RBFOX1: variants seen among roughly 807,000 people sequenced by gnomAD.
RBFOX1 encodes RNA binding fox-1 homolog 1.
In RBFOX1, 8 loss-of-function variants were observed where a neutral mutation model predicts 57.7. The ratio of observed to expected loss-of-function variants is 0.14; its 90% confidence interval spans 0.08 to 0.25. The LOEUF is 0.25. Ranked by LOEUF, RBFOX1 falls within the 10% of genes least tolerant of loss-of-function variation. RBFOX1 has a pLI of 1.00. For missense variants in RBFOX1, 611 were observed against 548.5 expected, an observed-to-expected ratio of 1.11 and a Z score of -1.14; for synonymous variants, 326 against 222.4, an observed-to-expected ratio of 1.47 and a Z score of -4.15.
At chr16:5,587,769 T>G (rs1342107034) in intron 2 of RBFOX1, among the ~76,000 whole-genome samples, 1 of 152,202 alleles carries the variant, frequency 6.6e-6, no homozygotes, top group Non-Finnish European at 1.5e-5. Flanking sequence ...TGAGCCCTCA[T>G]AAACAGCTGT....
At chr16:6,821,540 G>C (rs1169671402) in intron 3 of RBFOX1, among the ~76,000 whole-genome samples, 5 of 152,092 alleles carry the variant, frequency 3.3e-5, no homozygotes, top group African/African-American at 1.2e-4. Context: ...CTATTAATCA[G>C]ATGCTTTTCA....
At chr16:7,117,654 G>A (rs1459532483) in intron 4 of RBFOX1, among the ~76,000 whole-genome samples, 2 of 152,196 alleles carry the variant, frequency 1.3e-5, no homozygotes, top group East Asian at 1.9e-4. Flanking sequence ...ACGCTGCATA[G>A]CACATTACCA....
intron 3 of RBFOX1, among the ~76,000 whole-genome samples, chr16:6,655,092 G>A (rs978346895): frequency 4.0e-5 from 6 of 151,560 alleles, no homozygotes; most frequent in Admixed American, 1.3e-4. Flanking sequence ...AAGAGCTCAC[G>A]GCCAGGTGTG....
chr16:7,589,940 T>TGTGC (rs915012226), intron 7 of RBFOX1, among the ~76,000 whole-genome samples: 4 of 150,998 alleles, frequency 2.6e-5, no homozygotes, highest in African/African-American at 9.8e-5. Flanking sequence ...TGTGTGTGTG[T>TGTGC]GTGTGTGTGT....
In RBFOX1 at chr16:6,873,763, C is replaced by G. The variant is rs1359021789; in HGVS notation, c.-15-178294C>G. The G allele has an allele frequency of 2.6e-5, 4 of 152,136 alleles. No homozygotes were observed. In the East Asian group the frequency reaches 5.8e-4, roughly 22 times the overall value. The allele number at this position is 152,136 out of a possible 1,614,324, so 9.4% of individuals were successfully genotyped here. ...TGAAAATCAGATCCACAAGTGTTAT[C>G]TTGCTTAATTATTGCAGCAACTCTG... On this transcript the variant is annotated intron_variant, in intron 3 of 15. Coordinates refer to ENST00000550418, the MANE Select transcript of RBFOX1 (RefSeq NM_018723.4).
intron 3 of RBFOX1, among the ~76,000 whole-genome samples, chr16:6,993,279 T>G (rs1319194978): frequency 6.6e-6 from 1 of 152,222 alleles, no homozygotes; most frequent in Non-Finnish European, 1.5e-5. Context: ...ATGTTTGTTG[T>G]TCAAATGAGT....
intron 3 of RBFOX1, among the ~76,000 whole-genome samples, chr16:6,888,428 G>A (rs11077103): frequency 0.7 from 106,934 of 151,960 alleles, 37,876 homozygotes; most frequent in East Asian, 0.92. Context: ...TTAGAAAGCA[G>A]TGTTCTCTTT....
At chr16:5,899,896 C>T (rs989020252) in intron 4 of RBFOX1, among the ~76,000 whole-genome samples, 4 of 152,098 alleles carry the variant, frequency 2.6e-5, no homozygotes, top group African/African-American at 7.2e-5. Context: ...CAACATGGTG[C>T]AACCCTGTCT....
chr16:6,625,793 A>G lies in RBFOX1; in HGVS notation c.-63-28810A>G, dbSNP rs77893217. ...TGCATTAAATTAGAGCCTCTATAGA[A>G]GGAGAATGATGATTATCAGCTAATT... On this transcript the variant is annotated intron_variant, in intron 2 of 15. Transcript: ENST00000550418. 6.9e-3 allele frequency among the ~76,000 whole-genome samples: 1,046 copies of G among 152,344 alleles called. 18 individuals are homozygous for G. The highest frequency in any genetic ancestry group is 0.023 in the African/African-American group (971 of 41,574).
chr16:7,472,900 C>A (rs1387053436), intron 4 of RBFOX1, among the ~76,000 whole-genome samples: 1 of 152,138 alleles, frequency 6.6e-6, no homozygotes, highest in Non-Finnish European at 1.5e-5. Context: ...TTATTAAGAG[C>A]AAACGCAATA....
At chr16:6,268,439 C>T (rs938292850) in intron 1 of RBFOX1, among the ~76,000 whole-genome samples, 1 of 152,144 alleles carries the variant, frequency 6.6e-6, no homozygotes, top group African/African-American at 2.4e-5. Flanking sequence ...TAGCTGTGTT[C>T]AAGCACCTGT....
intron 1 of RBFOX1, among the ~76,000 whole-genome samples, chr16:5,450,178 A>G (rs544637955): frequency 6.6e-6 from 1 of 152,230 alleles, no homozygotes; most frequent in East Asian, 1.9e-4. Context: ...TTTGAGCCCG[A>G]TCCTTGTGAA....
chr16:5,787,188 C>G lies in RBFOX1; in HGVS notation c.319-80115C>G, dbSNP rs139613708. 1.0e-3 allele frequency among the ~76,000 whole-genome samples: 154 copies of G among 152,228 alleles called. 1 individual carries two copies. The highest frequency in any genetic ancestry group is 3.4e-3 in the African/African-American group (141 of 41,544). Reference sequence around the variant, plus strand: ...ATAGCATTTCTTTTTGTGAAGAAGACTTTGTAATGACTCCACAGGGCCCTT... The same window carrying G: ...ATAGCATTTCTTTTTGTGAAGAAGAGTTTGTAATGACTCCACAGGGCCCTT... On this transcript the variant is annotated intron_variant, in intron 3 of 19. Coordinates refer to the RBFOX1 transcript ENST00000641259.
intron 3 of RBFOX1, among the ~76,000 whole-genome samples, chr16:6,792,022 A>G (rs1020063064): frequency 6.6e-5 from 10 of 152,322 alleles, no homozygotes; most frequent in African/African-American, 1.7e-4. Flanking sequence ...TCCTACTTGA[A>G]AAATGAAAGA....
intron 2 of RBFOX1, among the ~76,000 whole-genome samples, chr16:6,537,253 T>A (rs2096748207): frequency 6.6e-6 from 1 of 152,168 alleles, no homozygotes; most frequent in Admixed American, 6.6e-5. Context: ...TGCCGGTTCG[T>A]GCACCAGAAT....
intron 4 of RBFOX1, among the ~76,000 whole-genome samples, chr16:7,376,000 GA>G (rs972027460): frequency 1.3e-5 from 2 of 152,160 alleles, no homozygotes; most frequent in Non-Finnish European, 2.9e-5. Context: ...ACAAGCCAGG[GA>G]ATGGGATCTT....
intron 11 of RBFOX1, among the ~76,000 whole-genome samples, chr16:7,650,754 A>G (rs2064873865): frequency 6.6e-6 from 1 of 152,200 alleles, no homozygotes. Context: ...CTGCTCTGCC[A>G]GATTGTGAAT....
intron 15 of RBFOX1, 50 bp downstream of exon 15, chr16:7,709,181 T>C: frequency 6.6e-7 from 1 of 1,521,180 alleles, no homozygotes; most frequent in South Asian, 1.1e-5. Context: ...TCCCTTCCCT[T>C]TCCCCAGCTG....
intron 3 of RBFOX1, among the ~76,000 whole-genome samples, chr16:6,956,015 T>C (rs1447315866): frequency 2.0e-5 from 3 of 152,148 alleles, no homozygotes; most frequent in Non-Finnish European, 1.5e-5. Context: ...CTCCATCACT[T>C]TTTGTAATGA....
Sources: gnomAD v4.1 joint callset for allele counts (sites outside exome capture counted in the v4.1 genomes callset) on GRCh38, gnomAD v4.1.1 for gene constraint, MANE v1.5 for transcripts, NCBI Gene and HGNC (gene_info 2026-07-23, HGNC 2026-07-21) for gene names.